The following UBE2D3 variants were observed in gnomAD, a reference collection of about 807,000 sequenced individuals.
UBE2D3 encodes ubiquitin conjugating enzyme E2 D3, also known as ubiquitin-conjugating enzyme E2 D3.
A neutral mutation model predicts 22.8 loss-of-function variants in UBE2D3; 2 were observed. That is an observed-to-expected ratio of 0.09 (90% CI 0.04 to 0.28). The LOEUF is 0.28. Among genes scored for constraint, UBE2D3 ranks in the 10% least tolerant of loss-of-function variants. UBE2D3 has a pLI of 1.00. For synonymous variants in UBE2D3, 56 were observed against 60.4 expected, an observed-to-expected ratio of 0.93 and a Z score of 0.34; for missense variants, 27 against 182.5, an observed-to-expected ratio of 0.15 and a Z score of 4.91.
intron 1 of UBE2D3, among the ~76,000 whole-genome samples, chr4:102,853,135 A>ATTTT (rs151339235): frequency 3.5e-4 from 31 of 88,598 alleles, no homozygotes; most frequent in Non-Finnish European, 5.0e-4. Flanking sequence ...AAACACACAC[A>ATTTT]TTTTTTTTTT....
intron 7 of UBE2D3, among the ~76,000 whole-genome samples, 198 bp from the exon 8 acceptor site, chr4:102,797,658 G>A (rs1325121174): frequency 6.6e-6 from 1 of 151,926 alleles, no homozygotes; most frequent in South Asian, 2.1e-4. Context: ...CTGATGCTCT[G>A]AAAGTAGTAT....
chr4:102,809,757 A>C (rs759412202), intron 3 of UBE2D3, 35 bp downstream of exon 3: 8 of 1,613,484 alleles, frequency 5.0e-6, no homozygotes, highest in Non-Finnish European at 6.8e-6. Flanking sequence ...CTTAAAAAAA[A>C]ATTAGGCATA....
At chr4:102,803,108 C>G (rs28473453) in intron 4 of UBE2D3, among the ~76,000 whole-genome samples, 3 of 152,100 alleles carry the variant, frequency 2.0e-5, no homozygotes, top group Non-Finnish European at 2.9e-5. Context: ...AAGAGGAGAA[C>G]AGAGAAAAGC....
intron 1 of UBE2D3, chr4:102,844,073 CTAAT>C (rs1440580283): frequency 6.6e-6 from 1 of 152,124 alleles, no homozygotes; most frequent in African/African-American, 2.4e-5. Flanking sequence ...GCATCCCTAC[CTAAT>C]TAAAGTTTGC....
intron 1 of UBE2D3, among the ~76,000 whole-genome samples, chr4:102,865,576 T>C (rs1733110548): frequency 6.6e-6 from 1 of 150,846 alleles, no homozygotes; most frequent in Non-Finnish European, 1.5e-5. Flanking sequence ...CAAGGTAATA[T>C]TTTCCAGAAA....
At chr4:102,826,976 G>A in intron 1 of UBE2D3, 10 of 998,724 alleles carry the variant, frequency 1.0e-5, no homozygotes, top group Non-Finnish European at 1.2e-5. Context: ...CTAGGGCAAA[G>A]AAAGGCAAGG....
At chr4:102,800,552 T>C (rs1391202478) in intron 6 of UBE2D3, among the ~76,000 whole-genome samples, 4 of 152,084 alleles carry the variant, frequency 2.6e-5, no homozygotes, top group Non-Finnish European at 4.4e-5. Flanking sequence ...TTTAGGTATG[T>C]AGCATGATTT....
At chr4:102,827,110 A>G (rs1730662477) in intron 1 of UBE2D3, 1 of 986,656 alleles carries the variant, frequency 1.0e-6, no homozygotes, top group Non-Finnish European at 1.2e-6. Flanking sequence ...CTATCCTCGC[A>G]GCGAGCTATT....
chr4:102,818,008 A>C lies in UBE2D3; in HGVS notation c.25-8153T>G, dbSNP rs571872956. ...CTTCCTAGCAGTCTAGAGGAAGAGG[A>C]ACAGTGCCAAGAACCAGAAGGAACA... On this transcript the variant is annotated intron_variant, in intron 2 of 7. Coordinates refer to ENST00000453744, the MANE Select transcript of UBE2D3 (RefSeq NM_181891.3). Among the ~76,000 whole-genome samples, 16 of 152,304 alleles carry C rather than the reference A, an allele frequency of 1.1e-4. No individual in the cohort carries two copies. The South Asian group carries it at 3.3e-3, about 32-fold the overall frequency.
At chr4:102,807,935 C>T (rs1344279620) in intron 4 of UBE2D3, among the ~76,000 whole-genome samples, 1 of 152,202 alleles carries the variant, frequency 6.6e-6, no homozygotes, top group African/African-American at 2.4e-5. Flanking sequence ...TTATTCTGCA[C>T]ACCATCCAAT....
chr4:102,828,693 A>G (rs1482300533), upstream of UBE2D3, among the ~76,000 whole-genome samples: 1 of 152,246 alleles, frequency 6.6e-6, no homozygotes, highest in African/African-American at 2.4e-5. Flanking sequence ...TTAGTTAATT[A>G]GGTAGAGTTT....
chr4:102,827,708 C>A (rs967546493), upstream of UBE2D3: 68 of 932,972 alleles, frequency 7.3e-5, no homozygotes, highest in Non-Finnish European at 8.0e-5. Context: ...ACGTGTCAAG[C>A]CCTTTTCCTT....
chr4:102,826,925 A>C, intron 1 of UBE2D3: 1 of 1,013,026 alleles, frequency 9.9e-7, no homozygotes, highest in Non-Finnish European at 1.2e-6. Context: ...GGAGCCCAGC[A>C]GAGGAGGAGC....
chr4:102,844,619 C>T (rs1053727763), intron 1 of UBE2D3, among the ~76,000 whole-genome samples: 2 of 152,178 alleles, frequency 1.3e-5, no homozygotes, highest in Non-Finnish European at 2.9e-5. Flanking sequence ...ACAGCCAGGC[C>T]AAGATTCCAT....
chr4:102,821,693 G>C (rs1271476639), intron 2 of UBE2D3, among the ~76,000 whole-genome samples: 1 of 151,828 alleles, frequency 6.6e-6, no homozygotes, highest in Non-Finnish European at 1.5e-5. Flanking sequence ...ATAAATGCTC[G>C]AGGTATATAC....
At chr4:102,826,226 G>A (rs1730469639) in intron 2 of UBE2D3, among the ~76,000 whole-genome samples, 2 of 152,118 alleles carry the variant, frequency 1.3e-5, no homozygotes, top group African/African-American at 2.4e-5. Flanking sequence ...GGCGCCTTAA[G>A]TCACTCTCCT....
intron 2 of UBE2D3, among the ~76,000 whole-genome samples, chr4:102,818,875 T>C (rs559061003): frequency 6.6e-5 from 10 of 152,322 alleles, no homozygotes; most frequent in African/African-American, 2.4e-4. Flanking sequence ...CAGTTGATTG[T>C]TGGAGATGTT....
chr4:102,850,674 G>A (rs1433841631), intron 1 of UBE2D3, among the ~76,000 whole-genome samples: 2 of 151,944 alleles, frequency 1.3e-5, no homozygotes, highest in East Asian at 3.8e-4. Flanking sequence ...ATATTTCTCT[G>A]TGAACAAATA....
chr4:102,819,707 G>T, intron 2 of UBE2D3: 8 of 479,476 alleles, frequency 1.7e-5, no homozygotes, highest in Non-Finnish European at 2.2e-5. Flanking sequence ...TTATCACCAC[G>T]ATGTTCCACA....
Sources: allele counts gnomAD v4.1 joint callset (sites outside exome capture counted in the v4.1 genomes callset), GRCh38; gene constraint gnomAD v4.1.1; transcripts MANE v1.5; gene names NCBI Gene and HGNC (gene_info 2026-07-23, HGNC 2026-07-21).